The following EYA2 variants were observed in gnomAD, a reference collection of about 807,000 sequenced individuals.
EYA2 encodes the protein protein phosphatase EYA2.
A neutral mutation model predicts 69.2 loss-of-function variants in EYA2; 31 were observed. The ratio of observed to expected loss-of-function variants is 0.45; its 90% CI spans 0.34 to 0.60. The LOEUF is 0.60. EYA2 is among the 20% of genes least tolerant of loss of function. EYA2 has a pLI of 0.02. For synonymous variants in EYA2, 257 were observed against 279.4 expected, an observed-to-expected ratio of 0.92 and a Z score of 0.80; for missense variants, 622 against 701.2, an observed-to-expected ratio of 0.89 and a Z score of 1.28.
intron 1 of EYA2, among the ~76,000 whole-genome samples, chr20:46,943,089 G>A (rs1469959014): frequency 2.0e-5 from 3 of 152,212 alleles, no homozygotes; most frequent in African/African-American, 7.2e-5. Context: ...AATCGGTGCA[G>A]AGCAGTGATT....
Position 46,998,076 on chromosome 20 carries a change from C to G in EYA2, c.110-3352C>G, listed in dbSNP as rs55918649. The stretch of plus-strand genomic sequence containing the variant: ...TCTGCCCATCTGGCAAGCTGTGGTG[C>G]GATGGCCATGGGACTGTTCAGAGTG... On this transcript the variant is annotated intron_variant, in intron 2 of 15. Transcript: ENST00000327619. 468 of 153,640 alleles carry G rather than the reference C, an allele frequency of 3.0e-3. 1 individual carries two copies. Among genetic ancestry groups the G allele is most frequent in the Admixed American group, 5.2e-3 (80 of 15,326 alleles). 9.5% of individuals were successfully genotyped at this position (153,640 alleles called of 1,614,324 possible).
At chr20:47,097,874 G>A (rs561832494) in intron 9 of EYA2, among the ~76,000 whole-genome samples, 1 of 152,276 alleles carries the variant, frequency 6.6e-6, no homozygotes, top group Admixed American at 6.5e-5. Context: ...GCACGCATGG[G>A]GTGGAAGGGC....
At chr20:47,135,815 C>A (rs1248289489) in intron 9 of EYA2, among the ~76,000 whole-genome samples, 3 of 47,198 alleles carry the variant, frequency 6.4e-5, no homozygotes, top group Admixed American at 4.6e-4. Context: ...GACCCTGTCT[C>A]TACAAAAAAA....
At chr20:47,051,349 G>A (rs1489770604) in intron 5 of EYA2, among the ~76,000 whole-genome samples, 2 of 152,196 alleles carry the variant, frequency 1.3e-5, no homozygotes, top group Non-Finnish European at 2.9e-5. Context: ...AAGAAGTAGG[G>A]GGGCGGATTT....
Position 46,902,861 on chromosome 20 carries a change from A to C in EYA2, c.-11+7874A>C, listed in dbSNP as rs777437520. Among the ~76,000 whole-genome samples the C allele has an allele frequency of 8.7e-4, 132 of 152,340 alleles. 1 individual carries two copies. Among genetic ancestry groups the C allele is most frequent in the Non-Finnish European group, 1.4e-3 (95 of 68,036 alleles). On this transcript the variant is annotated intron_variant, in intron 1 of 15. Coordinates refer to ENST00000327619, the MANE Select transcript of EYA2 (RefSeq NM_005244.5). ...CCGCAGGGTTGAACAGCCGTACTAC[A>C]AAGACCATACGGCCTGCAAAGACTA...
chr20:46,911,061 G>T (rs1008831648), intron 1 of EYA2, among the ~76,000 whole-genome samples: 2 of 152,180 alleles, frequency 1.3e-5, no homozygotes, highest in Admixed American at 6.6e-5. Flanking sequence ...TCCTAGAGTA[G>T]ATTTAAGACA....
chr20:47,084,610 T>C (rs571469504), intron 7 of EYA2, among the ~76,000 whole-genome samples: 70 of 152,178 alleles, frequency 4.6e-4, no homozygotes, highest in Non-Finnish European at 9.0e-4. Context: ...CCAAAGAAGA[T>C]ATAGGGATGG....
At chr20:47,141,503 A>G (rs1272258015) in intron 9 of EYA2, among the ~76,000 whole-genome samples, 3 of 152,222 alleles carry the variant, frequency 2.0e-5, no homozygotes, top group Non-Finnish European at 4.4e-5. Context: ...ATTGTGCTGC[A>G]TATTTTCCAT....
At chr20:47,078,386 C>T (rs1431003264) in intron 7 of EYA2, among the ~76,000 whole-genome samples, 1 of 151,406 alleles carries the variant, frequency 6.6e-6, no homozygotes, top group African/African-American at 2.4e-5. Flanking sequence ...TTTTAAATTT[C>T]CCATAAAAAC....
chr20:47,176,224 C>T (rs1472944103), intron 12 of EYA2, among the ~76,000 whole-genome samples: 2 of 151,844 alleles, frequency 1.3e-5, no homozygotes, highest in African/African-American at 4.8e-5. Context: ...GGATTACAGG[C>T]ACATGCCACC....
At chr20:46,960,572 G>C (rs1207299115) in intron 1 of EYA2, among the ~76,000 whole-genome samples, 1 of 152,152 alleles carries the variant, frequency 6.6e-6, no homozygotes, top group African/African-American at 2.4e-5. Flanking sequence ...CCGTCGTCCA[G>C]CTCTTAAACC....
chr20:47,057,510 A>ACCCCCCCCCC (rs796462817), intron 5 of EYA2, among the ~76,000 whole-genome samples: 3 of 94,764 alleles, frequency 3.2e-5, no homozygotes, highest in Non-Finnish European at 4.9e-5. Context: ...TTTTTATATC[A>ACCCCCCCCCC]CCCCCCCCCC....
chr20:46,954,391 A>T (rs945560423), intron 1 of EYA2, among the ~76,000 whole-genome samples: 7 of 152,244 alleles, frequency 4.6e-5, no homozygotes, highest in Admixed American at 4.6e-4. Context: ...GGCAAATAAG[A>T]AAAATAAAAT....
chr20:47,026,536 A>C (rs1027735086), intron 5 of EYA2, among the ~76,000 whole-genome samples: 1 of 152,210 alleles, frequency 6.6e-6, no homozygotes, highest in Non-Finnish European at 1.5e-5. Context: ...AAACAAAATG[A>C]CAAACTGAAA....
intron 5 of EYA2, among the ~76,000 whole-genome samples, chr20:47,039,515 C>A (rs1263721792): frequency 2.0e-5 from 3 of 152,180 alleles, no homozygotes; most frequent in Non-Finnish European, 4.4e-5. Flanking sequence ...GTTTTCCCGT[C>A]CCCTGATCTA....
At chr20:47,049,870 C>T (rs1034865861) in intron 5 of EYA2, among the ~76,000 whole-genome samples, 3 of 151,160 alleles carry the variant, frequency 2.0e-5, no homozygotes, top group African/African-American at 7.3e-5. Context: ...ACCCCCCCCC[C>T]ACCGCCACCA....
At chr20:47,034,966 T>C (rs1984615509) in intron 5 of EYA2, among the ~76,000 whole-genome samples, 1 of 152,262 alleles carries the variant, frequency 6.6e-6, no homozygotes, top group Admixed American at 6.5e-5. Context: ...CTTCTTCTTA[T>C]GAAGACACCC....
At chr20:47,082,226 A>G (rs2031748389) in intron 7 of EYA2, among the ~76,000 whole-genome samples, 1 of 152,194 alleles carries the variant, frequency 6.6e-6, no homozygotes, top group African/African-American at 2.4e-5. Context: ...CAGACAGTTA[A>G]ATATAATAAT....
chr20:46,902,382 T>C (rs1312604105), intron 1 of EYA2, among the ~76,000 whole-genome samples: 3 of 152,234 alleles, frequency 2.0e-5, no homozygotes, highest in Non-Finnish European at 2.9e-5. Context: ...GCTGTGGAAA[T>C]ACTTTATATG....
Sources: gnomAD v4.1 joint callset for allele counts (sites outside exome capture counted in the v4.1 genomes callset) on GRCh38, gnomAD v4.1.1 for gene constraint, MANE v1.5 for transcripts, NCBI Gene and HGNC (gene_info 2026-07-23, HGNC 2026-07-21) for gene names.